The following SEMA3A variants were observed in gnomAD, a reference collection of about 807,000 sequenced individuals.
SEMA3A encodes the protein semaphorin-3A.
In SEMA3A, 29 loss-of-function variants were observed where a neutral mutation model predicts 97.9. The ratio of observed to expected loss-of-function variants is 0.30; its 90% CI spans 0.22 to 0.40. SEMA3A has a LOEUF of 0.40. Ranked by LOEUF, SEMA3A falls within the 10% of genes least tolerant of loss-of-function variation. The probability of loss-of-function intolerance (pLI) is 1.00; values close to 1 mark genes in which losing one functional copy is unlikely to be tolerated. For synonymous variants in SEMA3A, 321 were observed against 323.7 expected, an observed-to-expected ratio of 0.99 and a Z score of 0.09; for missense variants, 763 against 951.3, an observed-to-expected ratio of 0.80 and a Z score of 2.60.
At chr7:84,200,100 A>G (rs1798318335), upstream of SEMA3A, among the ~76,000 whole-genome samples, 1 of 151,784 alleles carries the variant, frequency 6.6e-6, no homozygotes. Flanking sequence ...CATCATGAAT[A>G]GTGATTTCAG....
intron 1 of SEMA3A, among the ~76,000 whole-genome samples, chr7:84,437,930 A>AT (rs1562948212): frequency 6.6e-6 from 1 of 152,042 alleles, no homozygotes; most frequent in Non-Finnish European, 1.5e-5. Context: ...GCCTCAGCTG[A>AT]TTTTTTAAAA....
intron 1 of SEMA3A, among the ~76,000 whole-genome samples, chr7:84,480,838 T>C (rs1257773764): frequency 6.6e-6 from 1 of 152,164 alleles, no homozygotes; most frequent in African/African-American, 2.4e-5. Context: ...GAGTATTAAA[T>C]AGGATGAGTG....
chr7:84,277,156 CT>C (rs1420321281), intron 3 of SEMA3A, among the ~76,000 whole-genome samples: 1 of 152,062 alleles, frequency 6.6e-6, no homozygotes, highest in African/African-American at 2.4e-5. Context: ...ATGATGAAGT[CT>C]TTTTTGAAAA....
chr7:84,269,232 G>A (rs1800085756), intron 3 of SEMA3A, among the ~76,000 whole-genome samples: 1 of 151,958 alleles, frequency 6.6e-6, no homozygotes, highest in Non-Finnish European at 1.5e-5. Flanking sequence ...TAGTTTATCT[G>A]ATTTGGTTTA....
intron 3 of SEMA3A, among the ~76,000 whole-genome samples, chr7:84,296,821 A>T (rs1337245893): frequency 3.3e-5 from 5 of 150,586 alleles, no homozygotes; most frequent in Non-Finnish European, 5.9e-5. Flanking sequence ...ATTATTTTAT[A>T]AAAAAAATGT....
At chr7:84,459,088 T>G (rs897593909) in intron 1 of SEMA3A, among the ~76,000 whole-genome samples, 1 of 152,132 alleles carries the variant, frequency 6.6e-6, no homozygotes, top group Admixed American at 6.6e-5. Context: ...ATTTTATATA[T>G]GTATAATTTT....
At chr7:84,083,748 T>C (rs1583936226) in intron 4 of SEMA3A, among the ~76,000 whole-genome samples, 1 of 152,038 alleles carries the variant, frequency 6.6e-6, no homozygotes, top group Admixed American at 6.6e-5. Flanking sequence ...TAATAAAGAC[T>C]TTTTATCTTA....
chr7:83,999,693 T>G (rs2116379985), intron 12 of SEMA3A, among the ~76,000 whole-genome samples: 1 of 152,206 alleles, frequency 6.6e-6, no homozygotes, highest in African/African-American at 2.4e-5. Context: ...AACCCTGTTT[T>G]AAAAATGTAT....
At chr7:84,000,922 T>C (rs1341931276) in intron 12 of SEMA3A, among the ~76,000 whole-genome samples, 1 of 152,176 alleles carries the variant, frequency 6.6e-6, no homozygotes. Context: ...CATTAAAATA[T>C]TGAATCAACT....
chr7:84,259,483 T>C (rs1799794590), intron 3 of SEMA3A, among the ~76,000 whole-genome samples: 2 of 151,566 alleles, frequency 1.3e-5, no homozygotes, highest in Non-Finnish European at 2.9e-5. Flanking sequence ...GTGTAGGGAA[T>C]TGGGGGTGAA....
At chr7:84,328,841 A>G (rs1480647041) in intron 2 of SEMA3A, among the ~76,000 whole-genome samples, 1 of 152,056 alleles carries the variant, frequency 6.6e-6, no homozygotes, top group Admixed American at 6.6e-5. Flanking sequence ...CATGATGAAA[A>G]GAAATGCAAT....
chr7:84,044,034 G>A (rs992135557), intron 6 of SEMA3A, among the ~76,000 whole-genome samples: 1 of 151,924 alleles, frequency 6.6e-6, no homozygotes, highest in Non-Finnish European at 1.5e-5. Context: ...ATGAGATTTT[G>A]TTTCTCATGG....
At chr7:84,149,136 C>A (rs1395532101) in intron 1 of SEMA3A, among the ~76,000 whole-genome samples, 1 of 152,152 alleles carries the variant, frequency 6.6e-6, no homozygotes, top group Admixed American at 6.5e-5. Context: ...AGATTAAGTT[C>A]TCCTATATCC....
In SEMA3A at chr7:84,194,583, C is replaced by A; in HGVS notation, c.4G>T (p.Gly2Cys). ...AGACAGACAATCCTAGTTAACCAGC[C>A]CATGCTGCAGACGCTGTAGGTCCCT... MGWLTRIVCLFW... is the reference protein window; with the variant it reads MCWLTRIVCLFW... Residue 2 changes from glycine (G) to cysteine (C), a missense_variant, in exon 1 of 17, where the codon GGC becomes TGC. This residue lies in a region of SEMA3A where 85 missense variants were observed against 70.0 expected (regional missense o/e 1.21). Transcript: ENST00000265362. 1 of 1,599,212 alleles carries A rather than the reference C, an allele frequency of 6.3e-7. No individual in the cohort carries two copies. The highest frequency in any genetic ancestry group is 1.1e-5 in the South Asian group (1 of 90,736).
chr7:84,160,498 G>A (rs554238483), intron 1 of SEMA3A, among the ~76,000 whole-genome samples: 7 of 152,092 alleles, frequency 4.6e-5, no homozygotes, highest in East Asian at 1.9e-4. Context: ...GCAGTGAGCC[G>A]AGATCGCACC....
At chr7:84,299,295 C>T (rs1584215656) in intron 3 of SEMA3A, among the ~76,000 whole-genome samples, 2 of 89,858 alleles carry the variant, frequency 2.2e-5, no homozygotes, top group South Asian at 4.1e-4. Flanking sequence ...TATCTATCTC[C>T]ATATATATAT....
At chr7:84,460,597 A>G (rs536081412) in intron 1 of SEMA3A, among the ~76,000 whole-genome samples, 1 of 152,354 alleles carries the variant, frequency 6.6e-6, no homozygotes, top group Admixed American at 6.5e-5. Context: ...TAAAGGTATA[A>G]TAGCCTTTGT....
intron 3 of SEMA3A, among the ~76,000 whole-genome samples, chr7:84,273,712 T>C (rs962200633): frequency 6.6e-6 from 1 of 152,254 alleles, no homozygotes; most frequent in East Asian, 1.9e-4. Flanking sequence ...TTAATATATA[T>C]ACATGCAATG....
chr7:84,137,839 T>C (rs77388807), intron 1 of SEMA3A, among the ~76,000 whole-genome samples: 3,053 of 152,180 alleles, frequency 0.02, 36 homozygotes, highest in Middle Eastern at 0.041. Flanking sequence ...TAAGCATCAA[T>C]TGGAAGAAGT....
Sources: gnomAD v4.1 joint callset for allele counts (sites outside exome capture counted in the v4.1 genomes callset) on GRCh38, gnomAD v4.1.1 for gene constraint, gnomAD v4.1.1 regional missense constraint, MANE v1.5 for transcripts, NCBI Gene and HGNC (gene_info 2026-07-23, HGNC 2026-07-21) for gene names.